Variants in FBXO4 observed in about 807,000 individuals in gnomAD.
FBXO4 encodes the protein F-box only protein 4.
FBXO4 carries 36 observed loss-of-function variants against 43.7 expected under a neutral mutation model. The ratio of observed to expected loss-of-function variants is 0.82; its 90% CI spans 0.63 to 1.09. The LOEUF is 1.09. FBXO4 is among the 50% of genes least tolerant of loss of function. The probability of loss-of-function intolerance (pLI) is 0.00; values close to 1 mark genes in which losing one functional copy is unlikely to be tolerated. For synonymous variants in FBXO4, 180 were observed against 165.6 expected, an observed-to-expected ratio of 1.09 and a Z score of -0.67; for missense variants, 435 against 474.1, an observed-to-expected ratio of 0.92 and a Z score of 0.77.
At chr5:41,993,443 AT>A in the FBXO4 span, among the ~76,000 whole-genome samples, 51 of 151,664 alleles carry the variant, frequency 3.4e-4, 1 homozygote, top group African/African-American at 8.9e-4. Flanking sequence ...CGTAGTTACA[AT>A]TTTTTTTGTG....
the FBXO4 span, among the ~76,000 whole-genome samples, chr5:42,038,592 A>T: frequency 6.6e-6 from 1 of 152,114 alleles, no homozygotes. Context: ...CACCTGAAGC[A>T]TTTATCATTT....
chr5:42,014,993 T>C, the FBXO4 span, among the ~76,000 whole-genome samples: 1 of 152,160 alleles, frequency 6.6e-6, no homozygotes, highest in Non-Finnish European at 1.5e-5. Flanking sequence ...CTGAGGCAAT[T>C]CTTGGCACAA....
the FBXO4 span, among the ~76,000 whole-genome samples, chr5:41,980,518 A>T: frequency 6.6e-6 from 1 of 152,170 alleles, no homozygotes; most frequent in African/African-American, 2.4e-5. Context: ...ACACATCCTT[A>T]TGATAAATAA....
At chr5:41,975,667 A>C in the FBXO4 span, among the ~76,000 whole-genome samples, 1 of 152,184 alleles carries the variant, frequency 6.6e-6, no homozygotes, top group African/African-American at 2.4e-5. Context: ...AGCTTTTAAA[A>C]ACTTGTGGCA....
the FBXO4 span, among the ~76,000 whole-genome samples, chr5:42,017,982 T>C: frequency 1.3e-5 from 2 of 151,880 alleles, no homozygotes; most frequent in African/African-American, 2.4e-5. Flanking sequence ...CTGGTTCAAA[T>C]AGTAGTTTTA....
the FBXO4 span, among the ~76,000 whole-genome samples, chr5:42,013,916 C>T: frequency 1.4e-3 from 212 of 152,278 alleles, no homozygotes; most frequent in Non-Finnish European, 2.2e-3. Context: ...GAGACAAGAT[C>T]TGAGAATGGT....
the FBXO4 span, among the ~76,000 whole-genome samples, chr5:41,997,768 G>T: frequency 4.6e-5 from 7 of 152,140 alleles, no homozygotes; most frequent in African/African-American, 1.7e-4. Flanking sequence ...CCTTTCCCCA[G>T]TGTGCAATTA....
the FBXO4 span, among the ~76,000 whole-genome samples, chr5:42,014,613 T>C: frequency 1.3e-5 from 2 of 152,204 alleles, no homozygotes; most frequent in Admixed American, 6.5e-5. Context: ...CCTACTTCAC[T>C]AGGTTTTTTA....
At chr5:42,010,300 C>A in the FBXO4 span, among the ~76,000 whole-genome samples, 8 of 152,002 alleles carry the variant, frequency 5.3e-5, no homozygotes, top group South Asian at 1.7e-3. Context: ...GAGTACAAGA[C>A]CAGCCTGGTC....
the FBXO4 span, among the ~76,000 whole-genome samples, chr5:42,001,354 TGATTAGCTGGG>T: frequency 6.6e-6 from 1 of 152,138 alleles, no homozygotes; most frequent in East Asian, 1.9e-4. Context: ...CTCACCTTCC[TGATTAGCTGGG>T]GATACAGGCA....
the FBXO4 span, among the ~76,000 whole-genome samples, chr5:41,999,016 A>G: frequency 1.3e-5 from 2 of 149,870 alleles, no homozygotes; most frequent in Non-Finnish European, 3.0e-5. Flanking sequence ...TGGTTCACAT[A>G]TGGTCCATAT....
the FBXO4 span, among the ~76,000 whole-genome samples, chr5:42,015,695 G>A: frequency 6.6e-6 from 1 of 151,304 alleles, no homozygotes; most frequent in African/African-American, 2.4e-5. Flanking sequence ...AAGGGAATTT[G>A]ATTAATCTGA....
At chr5:41,954,540 G>A in the FBXO4 span, among the ~76,000 whole-genome samples, 1 of 152,072 alleles carries the variant, frequency 6.6e-6, no homozygotes, top group Non-Finnish European at 1.5e-5. Context: ...ATCTACAGCT[G>A]GCCAATCCCT....
chr5:41,944,628 C>T (rs62361680), downstream of FBXO4, among the ~76,000 whole-genome samples: 5,319 of 152,212 alleles, frequency 0.035, 146 homozygotes, highest in Non-Finnish European at 0.053. Context: ...ACCAAATATT[C>T]CATATTTAGC....
the FBXO4 span, among the ~76,000 whole-genome samples, chr5:42,016,103 T>C: frequency 1.7e-4 from 26 of 152,156 alleles, no homozygotes; most frequent in East Asian, 3.8e-4. Flanking sequence ...TATTAATTGA[T>C]TAAAAGAAAA....
the FBXO4 span, among the ~76,000 whole-genome samples, chr5:41,961,220 G>A: frequency 2.0e-5 from 3 of 152,170 alleles, no homozygotes; most frequent in South Asian, 4.1e-4. Context: ...GGCCAATGGT[G>A]TGGATATCCA....
At chr5:41,981,381 A>T in the FBXO4 span, among the ~76,000 whole-genome samples, 78 of 151,348 alleles carry the variant, frequency 5.2e-4, no homozygotes, top group East Asian at 6.2e-3. Flanking sequence ...GCATTCTAAA[A>T]TTTTTTTTTA....
the FBXO4 span, among the ~76,000 whole-genome samples, chr5:42,022,807 G>A: frequency 2.5e-3 from 384 of 152,152 alleles, 2 homozygotes; most frequent in Non-Finnish European, 4.5e-3. Context: ...GACAGCTGAC[G>A]TGTGCAGGGT....
chr5:41,957,646 T>C, the FBXO4 span, among the ~76,000 whole-genome samples: 20,359 of 151,500 alleles, frequency 0.13, 2,325 homozygotes, highest in African/African-American at 0.31. Context: ...ATGTGTACAC[T>C]TTTTCCACGA....
Sources: allele counts gnomAD v4.1 joint callset (sites outside exome capture counted in the v4.1 genomes callset), GRCh38; gene constraint gnomAD v4.1.1; transcripts MANE v1.5; gene names NCBI Gene and HGNC (gene_info 2026-07-23, HGNC 2026-07-21).